SYT6: variants seen among roughly 807,000 people sequenced by gnomAD.
SYT6 encodes synaptotagmin 6, also known as synaptotagmin-6.
SYT6 carries 24 observed loss-of-function variants against 38.4 expected under a neutral mutation model. That is an observed-to-expected ratio of 0.62 (90% CI 0.45 to 0.88). The LOEUF is 0.88. Among genes scored for constraint, SYT6 ranks in the 40% least tolerant of loss-of-function variants. SYT6 has a pLI of 0.00. For missense variants in SYT6, 611 were observed against 621.0 expected (o/e 0.98, Z 0.17); for synonymous variants, 265 against 241.9 (o/e 1.10, Z -0.89).
At chr1:114,151,805 G>C (rs1679450566) in intron 1 of SYT6, among the ~76,000 whole-genome samples, 1 of 152,064 alleles carries the variant, frequency 6.6e-6, no homozygotes, top group Admixed American at 6.5e-5. Context: ...GTGTAGGAGG[G>C]GATGGCACCA....
At chr1:114,141,891 T>C (rs140190253) in intron 1 of SYT6, among the ~76,000 whole-genome samples, 147 of 152,330 alleles carry the variant, frequency 9.7e-4, no homozygotes, top group African/African-American at 3.4e-3. Context: ...AAAACCTGGA[T>C]AATAGCATAT....
chr1:114,137,362 G>T, intron 3 of SYT6, 133 bp downstream of exon 3: 2 of 1,077,738 alleles, frequency 1.9e-6, no homozygotes, highest in Non-Finnish European at 2.6e-6. Flanking sequence ...CCACTGGGCA[G>T]TTTCCAGAGT....
At chr1:114,124,924 C>A (rs1023218270) in intron 3 of SYT6, among the ~76,000 whole-genome samples, 1 of 152,198 alleles carries the variant, frequency 6.6e-6, no homozygotes, top group Admixed American at 6.5e-5. Flanking sequence ...CAGTACCTAC[C>A]CTGCAAGGCA....
chr1:114,126,353 A>G (rs993743684), intron 3 of SYT6, among the ~76,000 whole-genome samples: 1 of 152,170 alleles, frequency 6.6e-6, no homozygotes, highest in Non-Finnish European at 1.5e-5. Context: ...AATTCTCCCA[A>G]GTTGGTTGCT....
intron 3 of SYT6, among the ~76,000 whole-genome samples, chr1:114,133,100 C>G (rs2101074074): frequency 6.6e-6 from 1 of 152,180 alleles, no homozygotes; most frequent in Non-Finnish European, 1.5e-5. Context: ...TTCATCACCC[C>G]TAAAACACAC....
chr1:114,137,699 G>T lies in SYT6; in HGVS notation c.867C>A (p.Thr289=), dbSNP rs764871055. ...CKLQTRVHRK[T]LNPTFDENFH... is the part of the protein sequence containing the mutation. ...AGTTCTCATCAAAGGTGGGGTTCAG[G>T]GTCTTGCGGTGCACCCGGGTCTGCA... Residue 289 remains threonine (T), a synonymous_variant, in exon 3 of 8, where the codon ACC becomes ACA. Coordinates refer to ENST00000610222, the MANE Select transcript of SYT6 (RefSeq NM_001253772.2). The T allele has an allele frequency of 1.1e-5, 18 of 1,613,760 alleles. No homozygotes were observed. The highest frequency in any genetic ancestry group is 1.5e-5 in the Non-Finnish European group (18 of 1,179,814).
intron 1 of SYT6, among the ~76,000 whole-genome samples, chr1:114,142,964 C>A (rs765789337): frequency 6.6e-6 from 1 of 151,988 alleles, no homozygotes; most frequent in Non-Finnish European, 1.5e-5. Context: ...AAATATATTA[C>A]AATGTATACT....
intron 3 of SYT6, among the ~76,000 whole-genome samples, chr1:114,113,054 A>C (rs1460991949): frequency 5.9e-5 from 9 of 152,344 alleles, no homozygotes; most frequent in Non-Finnish European, 1.0e-4. Flanking sequence ...CCAAAGGCAC[A>C]GGCCTGCACT....
At chr1:114,128,638 C>T (rs553744813) in intron 3 of SYT6, among the ~76,000 whole-genome samples, 3 of 152,322 alleles carry the variant, frequency 2.0e-5, no homozygotes, top group African/African-American at 7.2e-5. Flanking sequence ...TGATGCTGAA[C>T]AAACTGGCCA....
At chr1:114,116,126 C>T (rs962968488) in intron 3 of SYT6, among the ~76,000 whole-genome samples, 3 of 152,228 alleles carry the variant, frequency 2.0e-5, no homozygotes, top group Admixed American at 6.5e-5. Context: ...TGTCACCCTG[C>T]GTTACAGACT....
intron 1 of SYT6, among the ~76,000 whole-genome samples, chr1:114,146,054 G>A (rs1679140874): frequency 6.6e-6 from 1 of 152,112 alleles, no homozygotes; most frequent in Admixed American, 6.5e-5. Context: ...GGTTATATGA[G>A]ACCAGGAGGC....
chr1:114,129,073 C>T (rs899548722), intron 3 of SYT6, among the ~76,000 whole-genome samples: 9 of 152,168 alleles, frequency 5.9e-5, no homozygotes, highest in African/African-American at 2.2e-4. Flanking sequence ...TAATCTTCCT[C>T]CCCATATGGG....
intron 4 of SYT6, among the ~76,000 whole-genome samples, chr1:114,100,055 C>T (rs1557731833): frequency 2.0e-5 from 3 of 152,166 alleles, no homozygotes. Flanking sequence ...TTTTATTGAA[C>T]TTCCATGTGC....
chr1:114,105,403 CTCT>C (rs1676232166), intron 3 of SYT6, among the ~76,000 whole-genome samples: 1 of 151,586 alleles, frequency 6.6e-6, no homozygotes, highest in Non-Finnish European at 1.5e-5. Context: ...CACCCTCACC[CTCT>C]TTTCCTAGCC....
At chr1:114,094,332 G>A (rs1675499404) in intron 6 of SYT6, among the ~76,000 whole-genome samples, 1 of 152,210 alleles carries the variant, frequency 6.6e-6, no homozygotes, top group African/African-American at 2.4e-5. Context: ...CTGTGTTCCA[G>A]TAAGGTCTTT....
Position 114,099,389 on chromosome 1 carries a change from T to G in SYT6, c.1193-124A>C, listed in dbSNP as rs111494407. The G allele has an allele frequency of 1.4e-5, 14 of 990,958 alleles. 1 individual carries two copies. The highest frequency in any genetic ancestry group is 1.1e-4 in the African/African-American group (7 of 60,978). 61.4% of individuals were successfully genotyped at this position (990,958 alleles called of 1,614,324 possible). On this transcript the variant is annotated intron_variant, in intron 4 of 7. Transcript: ENST00000610222. The stretch of plus-strand genomic sequence containing the variant: ...TGCTCATCAGATGGTATCAGTGGGT[T>G]GTTAAAATAATTAAACCACCTTGTA...
intron 6 of SYT6, 129 bp downstream of exon 6, chr1:114,097,598 G>A: frequency 8.7e-7 from 1 of 1,145,334 alleles, no homozygotes; most frequent in Non-Finnish European, 1.3e-6. Flanking sequence ...TTACACACTG[G>A]GTAAGAAGCA....
chr1:114,108,467 C>T (rs776449053), intron 3 of SYT6, among the ~76,000 whole-genome samples: 12 of 152,144 alleles, frequency 7.9e-5, no homozygotes, highest in African/African-American at 1.2e-4. Context: ...AGCTGTGAGA[C>T]CTTGAGCAAA....
rs1676516967 is a variant in SYT6 at position 114,109,116 on chromosome 1, C to T, written c.1072-5395G>A. Among the ~76,000 whole-genome samples the T allele has an allele frequency of 3.3e-5, 5 of 152,270 alleles. No homozygotes were observed. The South Asian group carries it at 1.0e-3, about 32-fold the overall frequency. ...CTGTGTTGGGGGTACAGAGATGAGTCAGATGTGGAAGCCAGATACCTGGAG... is the reference window on the plus strand; with the variant it reads ...CTGTGTTGGGGGTACAGAGATGAGTTAGATGTGGAAGCCAGATACCTGGAG... On this transcript the variant is annotated intron_variant, in intron 3 of 7. Coordinates refer to ENST00000610222, the MANE Select transcript of SYT6 (RefSeq NM_001253772.2).
Sources: gnomAD v4.1 joint callset for allele counts (sites outside exome capture counted in the v4.1 genomes callset) on GRCh38, gnomAD v4.1.1 for gene constraint, MANE v1.5 for transcripts, NCBI Gene and HGNC (gene_info 2026-07-23, HGNC 2026-07-21) for gene names.